Variants in SCHIP1 observed in about 807,000 individuals in gnomAD.
SCHIP1 encodes the protein schwannomin interacting protein 1, also known as schwannomin-interacting protein 1.
In SCHIP1, 8 loss-of-function variants were observed where a neutral mutation model predicts 29.7. The observed-to-expected ratio is 0.27, with a 90% CI of 0.16 to 0.49. The LOEUF (loss-of-function observed/expected upper bound fraction) is 0.49, where lower values mean the gene tolerates loss of function less well. Ranked by LOEUF, SCHIP1 falls within the 20% of genes least tolerant of loss-of-function variation. The pLI is 0.99. For missense variants in SCHIP1, 193 were observed against 294.6 expected (o/e 0.66, Z 2.52); for synonymous variants, 76 against 94.9 (o/e 0.80, Z 1.16).
chr3:159,452,043 T>C, the SCHIP1 span, among the ~76,000 whole-genome samples: 2 of 152,042 alleles, frequency 1.3e-5, no homozygotes, highest in African/African-American at 4.8e-5. Flanking sequence ...ATGGGCCAAG[T>C]GGTCTGCGTT....
chr3:159,783,366 G>T, the SCHIP1 span, among the ~76,000 whole-genome samples: 1 of 152,190 alleles, frequency 6.6e-6, no homozygotes, highest in Non-Finnish European at 1.5e-5. Context: ...GGCAAGAGCT[G>T]CCCAGCCCCA....
At chr3:159,356,909 C>A in the SCHIP1 span, among the ~76,000 whole-genome samples, 1 of 152,200 alleles carries the variant, frequency 6.6e-6, no homozygotes, top group Admixed American at 6.5e-5. Flanking sequence ...AATTATACTT[C>A]TCACAATGCT....
intron 1 of SCHIP1, among the ~76,000 whole-genome samples, chr3:159,845,105 C>T (rs1436108648): frequency 2.0e-5 from 3 of 152,280 alleles, no homozygotes; most frequent in East Asian, 3.9e-4. Flanking sequence ...AAATGCTTCT[C>T]GCTCCAGACC....
the SCHIP1 span, among the ~76,000 whole-genome samples, chr3:159,654,613 G>C: frequency 6.6e-6 from 1 of 151,944 alleles, no homozygotes; most frequent in South Asian, 2.1e-4. Flanking sequence ...TGTGAAGAAG[G>C]TGATGAAAGC....
the SCHIP1 span, among the ~76,000 whole-genome samples, chr3:159,682,671 T>C: frequency 6.6e-6 from 1 of 152,182 alleles, no homozygotes. Context: ...GCACACAAGA[T>C]GAAGTGTGGA....
At chr3:159,804,203 ACT>A in the SCHIP1 span, among the ~76,000 whole-genome samples, 2 of 151,826 alleles carry the variant, frequency 1.3e-5, no homozygotes, top group Non-Finnish European at 2.9e-5. Context: ...AGGAAATCCC[ACT>A]CTTTTAGAGC....
chr3:159,886,276 T>C (rs1455619906), exon 3 of SCHIP1: 1 of 1,614,186 alleles, frequency 6.2e-7, no homozygotes, highest in Admixed American at 1.7e-5. Flanking sequence ...ACAGTGATGC[T>C]GATGACAGTA....
chr3:159,526,656 T>C, the SCHIP1 span, among the ~76,000 whole-genome samples: 6 of 152,324 alleles, frequency 3.9e-5, no homozygotes, highest in East Asian at 1.2e-3. Context: ...AGATATAGGT[T>C]CCTGCGGAAG....
chr3:159,434,783 T>G, the SCHIP1 span, among the ~76,000 whole-genome samples: 1 of 152,132 alleles, frequency 6.6e-6, no homozygotes, highest in Non-Finnish European at 1.5e-5. Context: ...GAAAAAGTAG[T>G]GGGAATGGCT....
At chr3:159,405,490 A>T in the SCHIP1 span, among the ~76,000 whole-genome samples, 1 of 152,236 alleles carries the variant, frequency 6.6e-6, no homozygotes, top group African/African-American at 2.4e-5. Context: ...GGAGTTGAAA[A>T]ATACAATTGA....
the SCHIP1 span, among the ~76,000 whole-genome samples, chr3:159,681,227 A>G: frequency 6.6e-6 from 1 of 151,928 alleles, no homozygotes; most frequent in African/African-American, 2.4e-5. Flanking sequence ...GAGCACAGCC[A>G]CAGTTTCCAG....
chr3:159,440,348 C>T, the SCHIP1 span, among the ~76,000 whole-genome samples: 10 of 152,108 alleles, frequency 6.6e-5, no homozygotes, highest in African/African-American at 1.4e-4. Flanking sequence ...TAACATGATG[C>T]CTCCAGCCTT....
exon 7 of SCHIP1, chr3:159,896,938 A>T: frequency 1.5e-6 from 1 of 675,812 alleles, no homozygotes; most frequent in Non-Finnish European, 2.2e-6. Flanking sequence ...ATTTATTTTA[A>T]TTTTTTACTT....
At chr3:159,840,161 G>T in exon 1 of SCHIP1, 11 of 1,535,386 alleles carry the variant, frequency 7.2e-6, no homozygotes, top group Non-Finnish European at 8.7e-6. Flanking sequence ...CTGCGTTGGG[G>T]TCTGCGCCCT....
At chr3:159,587,535 A>G in the SCHIP1 span, among the ~76,000 whole-genome samples, 1 of 152,200 alleles carries the variant, frequency 6.6e-6, no homozygotes, top group Non-Finnish European at 1.5e-5. Flanking sequence ...TTTGTTACAT[A>G]TGTATACATG....
chr3:159,311,931 C>T, the SCHIP1 span, among the ~76,000 whole-genome samples: 2 of 152,034 alleles, frequency 1.3e-5, no homozygotes, highest in East Asian at 3.9e-4. Flanking sequence ...CATGCTGGGG[C>T]AAAAGACATA....
At chr3:159,384,070 T>G in the SCHIP1 span, among the ~76,000 whole-genome samples, 2 of 151,828 alleles carry the variant, frequency 1.3e-5, no homozygotes, top group African/African-American at 4.8e-5. Context: ...ACAATTTGAC[T>G]TCCTCTTTTC....
chr3:159,580,480 C>T, the SCHIP1 span, among the ~76,000 whole-genome samples: 1 of 152,256 alleles, frequency 6.6e-6, no homozygotes, highest in African/African-American at 2.4e-5. Context: ...GACGGAGAGA[C>T]GTGGCTGCTT....
chr3:159,398,292 C>T, the SCHIP1 span, among the ~76,000 whole-genome samples: 44 of 152,224 alleles, frequency 2.9e-4, no homozygotes, highest in South Asian at 6.2e-4. Context: ...TCTTCTGCGT[C>T]GCTCATGCTG....
Sources: gnomAD v4.1 joint callset for allele counts (sites outside exome capture counted in the v4.1 genomes callset) on GRCh38, gnomAD v4.1.1 for gene constraint, MANE v1.5 for transcripts, NCBI Gene and HGNC (gene_info 2026-07-23, HGNC 2026-07-21) for gene names.